Variants in AGBL1 observed in about 807,000 individuals in gnomAD.
The protein encoded by AGBL1 is AGBL carboxypeptidase 1.
A neutral mutation model predicts 118.9 loss-of-function variants in AGBL1; 130 were observed. That is an observed-to-expected ratio of 1.09 (90% CI 0.95 to 1.26). AGBL1 has a LOEUF of 1.26. Ranked by LOEUF, AGBL1 falls within the 50% of genes most tolerant of loss-of-function variation. The probability of loss-of-function intolerance (pLI) is 0.00; values close to 1 mark genes in which losing one functional copy is unlikely to be tolerated. For synonymous variants in AGBL1, 555 were observed against 478.9 expected, an observed-to-expected ratio of 1.16 and a Z score of -2.08; for missense variants, 1,584 against 1,298.1, an observed-to-expected ratio of 1.22 and a Z score of -3.38.
intron 18 of AGBL1, among the ~76,000 whole-genome samples, chr15:86,465,283 A>G (rs190688550): frequency 6.0e-4 from 91 of 152,232 alleles, no homozygotes; most frequent in Admixed American, 3.0e-3. Flanking sequence ...GCCTGTGTTT[A>G]CTTTAATCTC....
intron 22 of AGBL1, among the ~76,000 whole-genome samples, chr15:86,765,293 G>C (rs1362969058): frequency 1.3e-5 from 2 of 151,876 alleles, no homozygotes; most frequent in Admixed American, 6.6e-5. Flanking sequence ...CTCCTAATAA[G>C]TGCAACCATG....
chr15:86,568,228 T>C (rs1264673737), intron 21 of AGBL1, among the ~76,000 whole-genome samples: 1 of 152,158 alleles, frequency 6.6e-6, no homozygotes, highest in Non-Finnish European at 1.5e-5. Context: ...CTTTGAACAG[T>C]CTTCGTATGT....
chr15:86,571,734 G>A (rs1200235817), intron 21 of AGBL1, among the ~76,000 whole-genome samples: 2 of 152,194 alleles, frequency 1.3e-5, no homozygotes, highest in Non-Finnish European at 2.9e-5. Flanking sequence ...AGCGGGTGCT[G>A]ATTGATCCAT....
intron 18 of AGBL1, among the ~76,000 whole-genome samples, chr15:86,498,999 C>A (rs8040199): frequency 6.6e-6 from 1 of 151,708 alleles, no homozygotes; most frequent in Non-Finnish European, 1.5e-5. Context: ...TCTACAGAAA[C>A]GGCCTGTGTG....
chr15:86,552,102 C>A (rs79814280), intron 20 of AGBL1, among the ~76,000 whole-genome samples: 2 of 152,046 alleles, frequency 1.3e-5, no homozygotes, highest in Admixed American at 6.6e-5. Context: ...ATGTACAACA[C>A]CAAAAGTGAA....
At chr15:86,634,011 A>G (rs1304895606) in intron 21 of AGBL1, among the ~76,000 whole-genome samples, 1 of 151,920 alleles carries the variant, frequency 6.6e-6, no homozygotes, top group African/African-American at 2.4e-5. Flanking sequence ...TATCAGTAGG[A>G]GATACCACTT....
chr15:86,879,834 C>T (rs113946455), intron 22 of AGBL1, among the ~76,000 whole-genome samples: 1,565 of 152,242 alleles, frequency 0.01, 13 homozygotes, highest in Middle Eastern at 0.017. Flanking sequence ...GCAGCAGCCA[C>T]ATCATCTTTT....
At chr15:86,144,502 G>A (rs1033007816) in intron 3 of AGBL1, among the ~76,000 whole-genome samples, 1 of 152,186 alleles carries the variant, frequency 6.6e-6, no homozygotes, top group Non-Finnish European at 1.5e-5. Flanking sequence ...ATGAGATCAT[G>A]TCCTTTGCAG....
chr15:86,099,808 T>A (rs1025655480), intron 1 of AGBL1, among the ~76,000 whole-genome samples: 4 of 152,098 alleles, frequency 2.6e-5, no homozygotes, highest in African/African-American at 9.7e-5. Context: ...TCATGCCTGG[T>A]TCCAATTAGA....
At chr15:86,490,940 C>G (rs1201248095) in intron 18 of AGBL1, among the ~76,000 whole-genome samples, 1 of 152,118 alleles carries the variant, frequency 6.6e-6, no homozygotes, top group Non-Finnish European at 1.5e-5. Flanking sequence ...TATCACCAGC[C>G]TCACTAAATT....
chr15:86,481,338 T>C (rs1242931564), intron 18 of AGBL1, among the ~76,000 whole-genome samples: 1 of 152,096 alleles, frequency 6.6e-6, no homozygotes, highest in Non-Finnish European at 1.5e-5. Flanking sequence ...TCCCTTGTTC[T>C]GGATCACACA....
At chr15:86,722,822 C>A (rs992199568) in intron 22 of AGBL1, among the ~76,000 whole-genome samples, 1 of 151,936 alleles carries the variant, frequency 6.6e-6, no homozygotes, top group African/African-American at 2.4e-5. Context: ...AAACAAACAA[C>A]CCCATCAACA....
intron 22 of AGBL1, among the ~76,000 whole-genome samples, chr15:86,734,543 G>A (rs1242708428): frequency 6.6e-6 from 1 of 152,152 alleles, no homozygotes; most frequent in East Asian, 1.9e-4. Flanking sequence ...GAGTGCTGAA[G>A]GAAAGCTAGG....
At chr15:86,506,663 G>A (rs11632104) in intron 18 of AGBL1, among the ~76,000 whole-genome samples, 66,354 of 151,814 alleles carry the variant, frequency 0.44, 15,577 homozygotes, top group East Asian at 0.68. Flanking sequence ...CCAGTAAAAT[G>A]TAAATTCAGA....
chr15:86,897,000 C>A (rs747130976), intron 22 of AGBL1, among the ~76,000 whole-genome samples: 4 of 152,152 alleles, frequency 2.6e-5, no homozygotes, highest in Non-Finnish European at 4.4e-5. Context: ...TGAGGTCTTG[C>A]ATGTTAGACA....
At chr15:86,806,411 A>C (rs1434415743) in intron 22 of AGBL1, among the ~76,000 whole-genome samples, 1 of 152,198 alleles carries the variant, frequency 6.6e-6, no homozygotes, top group Non-Finnish European at 1.5e-5. Flanking sequence ...TGAAACTCCC[A>C]AAAGAAGTAT....
At chr15:86,705,855 G>C (rs1209002425) in intron 22 of AGBL1, among the ~76,000 whole-genome samples, 1 of 151,994 alleles carries the variant, frequency 6.6e-6, no homozygotes, top group Non-Finnish European at 1.5e-5. Flanking sequence ...ATTACATCTA[G>C]TTTGATTTTC....
chr15:86,290,919 C>T (rs979133315), intron 16 of AGBL1, among the ~76,000 whole-genome samples: 17 of 151,974 alleles, frequency 1.1e-4, no homozygotes, highest in Non-Finnish European at 2.5e-4. Flanking sequence ...CAATTCCCAC[C>T]TATAAGTGAG....
In AGBL1 at chr15:86,269,942, A is replaced by G; in HGVS notation, c.1862A>G (p.Asn621Ser). 6.2e-7 allele frequency: 1 copy of G among 1,613,964 alleles called. No homozygotes were observed. Among genetic ancestry groups the G allele is most frequent in the Non-Finnish European group, 8.5e-7 (1 of 1,179,864 alleles). ...VREFEYDLLV[N>S]ADVNSTQHQQ... ...AGGTTCGAGTATGACTTGCTGGTCA[A>G]CGCAGATGTGAATAGCACCCAGCAC... Residue 621 changes from asparagine (N) to serine (S), a missense_variant, in exon 14 of 23, where the codon AAC becomes AGC. Physicochemically the swap from Asn to Ser is conservative, Grantham distance 46. Transcript: ENST00000614907.
Sources: gnomAD v4.1 joint callset for allele counts (sites outside exome capture counted in the v4.1 genomes callset) on GRCh38, gnomAD v4.1.1 for gene constraint, MANE v1.5 for transcripts, NCBI Gene and HGNC (gene_info 2026-07-23, HGNC 2026-07-21) for gene names.